Variants in COLEC10 observed in about 807,000 individuals in gnomAD.
COLEC10 encodes collectin-10.
In COLEC10, 22 loss-of-function variants were observed where a neutral mutation model predicts 28.4. The observed-to-expected ratio is 0.78, with a 90% CI of 0.55 to 1.11. The LOEUF (loss-of-function observed/expected upper bound fraction) is 1.11, where lower values mean the gene tolerates loss of function less well. COLEC10 is among the 50% of genes least tolerant of loss of function. The pLI, the probability that COLEC10 is intolerant of heterozygous loss-of-function variation, is 0.00. For synonymous variants in COLEC10, 125 were observed against 116.1 expected, an observed-to-expected ratio of 1.08 and a Z score of -0.49; for missense variants, 361 against 344.1, an observed-to-expected ratio of 1.05 and a Z score of -0.39.
At chr8:119,100,944 C>T (rs1398133477) in intron 3 of COLEC10, among the ~76,000 whole-genome samples, 1 of 152,122 alleles carries the variant, frequency 6.6e-6, no homozygotes, top group Non-Finnish European at 1.5e-5. Flanking sequence ...CTCAACAAAT[C>T]CTTGGGGCCC....
chr8:118,966,961 T>C, the COLEC10 span, among the ~76,000 whole-genome samples: 1 of 152,214 alleles, frequency 6.6e-6, no homozygotes, highest in Non-Finnish European at 1.5e-5. Flanking sequence ...TTCACAGTCT[T>C]TTTGGAGTTA....
At chr8:119,010,036 GT>G (rs1813877147) in intron 2 of COLEC10, among the ~76,000 whole-genome samples, 1 of 150,732 alleles carries the variant, frequency 6.6e-6, no homozygotes, top group Non-Finnish European at 1.5e-5. Flanking sequence ...AAAGTCCGTA[GT>G]TTATACCATG....
the COLEC10 span, among the ~76,000 whole-genome samples, chr8:118,981,280 GC>G: frequency 4.6e-5 from 7 of 152,010 alleles, no homozygotes; most frequent in African/African-American, 1.7e-4. Flanking sequence ...AAAACTATCT[GC>G]AGAATCATGG....
intron 2 of COLEC10, among the ~76,000 whole-genome samples, chr8:119,038,345 T>C (rs555764462): frequency 7.2e-5 from 11 of 152,372 alleles, no homozygotes; most frequent in Non-Finnish European, 1.3e-4. Flanking sequence ...GCCCATTCCC[T>C]TAAGAATATC....
At chr8:119,024,559 T>C (rs1428703087) in intron 2 of COLEC10, among the ~76,000 whole-genome samples, 1 of 120,606 alleles carries the variant, frequency 8.3e-6, no homozygotes, top group Non-Finnish European at 1.6e-5. Flanking sequence ...TGCATACATG[T>C]ATGCACATAT....
chr8:119,061,311 A>G (rs2130196175), intron 2 of COLEC10, among the ~76,000 whole-genome samples: 1 of 152,210 alleles, frequency 6.6e-6, no homozygotes, highest in South Asian at 2.1e-4. Context: ...ATCAGGAGCC[A>G]ACACAAGAAA....
intron 3 of COLEC10, 69 bp downstream of exon 3, chr8:119,091,289 C>T: frequency 8.8e-7 from 1 of 1,140,594 alleles, no homozygotes; most frequent in Non-Finnish European, 1.3e-6. Context: ...ATGGCTCACA[C>T]CAGTAATCCC....
At chr8:119,076,058 G>A (rs1356726989) in intron 1 of COLEC10, among the ~76,000 whole-genome samples, 26 of 131,960 alleles carry the variant, frequency 2.0e-4, no homozygotes, top group Admixed American at 8.5e-4. Flanking sequence ...CCACCACCAC[G>A]CCCGGCTAAT....
At chr8:119,093,926 G>A (rs531463802) in intron 3 of COLEC10, among the ~76,000 whole-genome samples, 1 of 152,264 alleles carries the variant, frequency 6.6e-6, no homozygotes, top group Admixed American at 6.5e-5. Context: ...CTTGTACTGG[G>A]CAGTTTTGGA....
At chr8:119,038,323 T>C (rs931609868) in intron 2 of COLEC10, among the ~76,000 whole-genome samples, 4 of 152,246 alleles carry the variant, frequency 2.6e-5, no homozygotes, top group African/African-American at 9.6e-5. Flanking sequence ...AATATTTACT[T>C]TCCTTGCTTT....
chr8:118,999,165 G>A (rs555126346), intron 1 of COLEC10, among the ~76,000 whole-genome samples: 1 of 152,168 alleles, frequency 6.6e-6, no homozygotes, highest in Admixed American at 6.5e-5. Flanking sequence ...TTATTTATTT[G>A]TTATTAATTT....
chr8:119,042,888 C>A (rs1814523494), intron 2 of COLEC10, among the ~76,000 whole-genome samples: 2 of 152,092 alleles, frequency 1.3e-5, no homozygotes, highest in Admixed American at 6.6e-5. Flanking sequence ...TTTATTGCAG[C>A]TTGGGTAAGA....
intron 2 of COLEC10, among the ~76,000 whole-genome samples, chr8:119,013,784 T>A (rs902583635): frequency 6.6e-6 from 1 of 150,982 alleles, no homozygotes; most frequent in Admixed American, 6.6e-5. Context: ...TTCATGTAGC[T>A]ACTCCTGCTT....
upstream of COLEC10, among the ~76,000 whole-genome samples, chr8:119,066,851 A>G (rs150495678): frequency 3.5e-3 from 539 of 152,332 alleles, 5 homozygotes; most frequent in African/African-American, 0.012. Context: ...TCACCTTATG[A>G]AAAGCTCAAA....
rs575436543 is a variant in COLEC10, at chr8:119,076,110, A to G, written c.148+8681A>G. On this transcript the variant is annotated intron_variant, in intron 1 of 5. Transcript: ENST00000332843. ...TTTTTTTAAGTAGAGACGGGGTTTC[A>G]CCATGTTAGCCAGGACAGTCTTGAT... Among the ~76,000 whole-genome samples, 885 of 124,786 alleles carry G rather than the reference A, an allele frequency of 7.1e-3. 8 individuals are homozygous for G. The highest frequency in any genetic ancestry group is 0.011 in the Non-Finnish European group (670 of 60,592). 81.9% of individuals were successfully genotyped at this position (124,786 alleles called of 152,430 possible).
At chr8:119,088,730 T>C (rs1216240538) in intron 1 of COLEC10, among the ~76,000 whole-genome samples, 5 of 152,178 alleles carry the variant, frequency 3.3e-5, no homozygotes, top group Non-Finnish European at 1.5e-5. Context: ...GCTCACCTTG[T>C]TGATCCGAAA....
In COLEC10 at chr8:119,044,617, A is replaced by G. The variant is rs181342526; in HGVS notation, n.235+35064A>G. On this transcript the variant is annotated intron_variant and non_coding_transcript_variant, in intron 2 of 6. Coordinates refer to the COLEC10 transcript ENST00000521788. ...CCCAGCACTTTGGGAGGCCAGCGGG[A>G]GGGCGGGGGCATGGATCGTTTCAGG... 5.0e-3 allele frequency among the ~76,000 whole-genome samples: 767 copies of G among 152,094 alleles called. 10 individuals carry two copies. Among genetic ancestry groups the G allele is most frequent in the African/African-American group, 0.018 (735 of 41,482 alleles).
At chr8:119,058,422 G>A (rs2130190815) in intron 2 of COLEC10, among the ~76,000 whole-genome samples, 1 of 152,092 alleles carries the variant, frequency 6.6e-6, no homozygotes, top group Admixed American at 6.6e-5. Flanking sequence ...AAAAATCCCT[G>A]CTCCCACTCT....
At chr8:119,040,939 C>T (rs1024204391) in intron 2 of COLEC10, among the ~76,000 whole-genome samples, 12 of 152,128 alleles carry the variant, frequency 7.9e-5, no homozygotes, top group Non-Finnish European at 1.3e-4. Context: ...GCAAGTGAGA[C>T]TATGATGAGA....
Sources: gnomAD v4.1 joint callset for allele counts (sites outside exome capture counted in the v4.1 genomes callset) on GRCh38, gnomAD v4.1.1 for gene constraint, MANE v1.5 for transcripts, NCBI Gene and HGNC (gene_info 2026-07-23, HGNC 2026-07-21) for gene names.